The following FHIP2A variants were observed in gnomAD, a reference collection of about 807,000 sequenced individuals.
FHIP2A encodes the protein FHF complex subunit HOOK interacting protein 2A, also known as family with sequence similarity 160 member B1.
A neutral mutation model predicts 93.5 loss-of-function variants in FHIP2A; 46 were observed. The ratio of observed to expected loss-of-function variants is 0.49; its 90% CI spans 0.39 to 0.63. The LOEUF is 0.63. Among genes scored for constraint, FHIP2A ranks in the 20% least tolerant of loss-of-function variants. The probability of loss-of-function intolerance (pLI) is 0.00; values close to 1 mark genes in which losing one functional copy is unlikely to be tolerated. For missense variants in FHIP2A, 769 were observed against 909.7 expected (o/e 0.85, Z 1.99); for synonymous variants, 332 against 326.5 (o/e 1.02, Z -0.18).
intron 7 of FHIP2A, among the ~76,000 whole-genome samples, chr10:114,844,523 C>T (rs1416585831): frequency 6.6e-6 from 1 of 152,164 alleles, no homozygotes; most frequent in Non-Finnish European, 1.5e-5. Flanking sequence ...TTTAACGTGT[C>T]TTTCTTTTTT....
intron 6 of FHIP2A, 121 bp downstream of exon 6, chr10:114,843,347 C>T (rs546093587): frequency 3.2e-6 from 2 of 625,506 alleles, no homozygotes; most frequent in East Asian, 7.8e-5. Context: ...GCTGTGTTGT[C>T]CAGGCTGGAG....
chr10:114,882,067 C>T (rs566943418), intron 16 of FHIP2A, among the ~76,000 whole-genome samples: 9 of 152,328 alleles, frequency 5.9e-5, no homozygotes, highest in African/African-American at 1.2e-4. Context: ...CACAAGCTAG[C>T]GCTTGCTGAC....
chr10:114,870,239 G>T (rs1404468093), intron 16 of FHIP2A, among the ~76,000 whole-genome samples: 1 of 152,184 alleles, frequency 6.6e-6, no homozygotes, highest in Non-Finnish European at 1.5e-5. Flanking sequence ...GGTTAAGAAA[G>T]ATGTTGGATA....
Position 114,860,774 on chromosome 10 carries a change from C to A in FHIP2A, c.1973C>A (p.Thr658Asn). The A allele has an allele frequency of 6.2e-7, 1 of 1,606,522 alleles. No individual in the cohort carries two copies. Among genetic ancestry groups the A allele is most frequent in the Non-Finnish European group, 8.5e-7 (1 of 1,173,130 alleles). Residue 658 changes from threonine (T) to asparagine (N), a missense_variant, in exon 15 of 17, where the codon ACC (threonine) becomes AAC (asparagine). By Grantham distance (65) the Thr-to-Asn change is moderately conservative. Transcript: ENST00000369248. ...DQPYDVNLQV[T>N]SVLSRLSLFP... ...CCATATGATGTAAACTTACAAGTAA[C>A]CTCAGTGTTATCTAGACTTTCTCTC...
chr10:114,849,487 T>A (rs770023572), intron 13 of FHIP2A, among the ~76,000 whole-genome samples: 2 of 152,184 alleles, frequency 1.3e-5, no homozygotes, highest in Non-Finnish European at 1.5e-5. Flanking sequence ...TCAAACGACT[T>A]GCTCAAAGGT....
At chr10:114,828,755 T>G (rs1017508534) in intron 1 of FHIP2A, among the ~76,000 whole-genome samples, 7 of 152,140 alleles carry the variant, frequency 4.6e-5, no homozygotes, top group African/African-American at 1.7e-4. Context: ...CTCCTTGAAG[T>G]TAAAGTACTC....
chr10:114,875,326 T>C (rs891903342), intron 16 of FHIP2A, among the ~76,000 whole-genome samples: 2 of 151,924 alleles, frequency 1.3e-5, no homozygotes, highest in African/African-American at 4.8e-5. Context: ...CTTGGATCTG[T>C]GAGGGAGGAG....
intron 16 of FHIP2A, among the ~76,000 whole-genome samples, chr10:114,883,450 C>T (rs2083926905): frequency 6.6e-6 from 1 of 152,034 alleles, no homozygotes; most frequent in South Asian, 2.1e-4. Flanking sequence ...TAATTATGTA[C>T]TATTAAAGTA....
At chr10:114,898,813 A>T (rs979830244) in intron 16 of FHIP2A, among the ~76,000 whole-genome samples, 3 of 152,292 alleles carry the variant, frequency 2.0e-5, no homozygotes, top group African/African-American at 7.2e-5. Flanking sequence ...GCACTTAGAA[A>T]TTTTTTAAGA....
Position 114,861,462 on chromosome 10 carries a change from T to C in FHIP2A, c.2220T>C (p.Gly740=). The C allele has an allele frequency of 1.2e-6, 2 of 1,614,042 alleles. No homozygotes were observed. The highest frequency in any genetic ancestry group is 1.7e-6 in the Non-Finnish European group (2 of 1,179,992). ...PIIDHITLLE[G]VIVLEEFCKE... ...TTGACCACATCACACTGCTAGAGGG[T>C]GTGATTGTGTTAGAAGAGTTCTGTA... The change falls in exon 17 of 17, where the codon GGT becomes GGC. Residue 740 remains glycine (G), a synonymous_variant. Transcript: ENST00000369248.
At chr10:114,840,232 T>C (rs1291980623) in intron 5 of FHIP2A, among the ~76,000 whole-genome samples, 2 of 152,064 alleles carry the variant, frequency 1.3e-5, no homozygotes, top group Non-Finnish European at 2.9e-5. Context: ...CTATAAAAAA[T>C]AAATAAATAC....
At chr10:114,887,637 G>A (rs990260116) in intron 16 of FHIP2A, among the ~76,000 whole-genome samples, 4 of 152,184 alleles carry the variant, frequency 2.6e-5, no homozygotes, top group Non-Finnish European at 4.4e-5. Context: ...TGTTAGTTCC[G>A]TTCCTCTCTC....
chr10:114,868,629 T>A (rs1175363345), downstream of FHIP2A, among the ~76,000 whole-genome samples: 4 of 152,124 alleles, frequency 2.6e-5, no homozygotes, highest in Non-Finnish European at 5.9e-5. Context: ...ACCACAACCT[T>A]ACATGAAGGT....
intron 16 of FHIP2A, among the ~76,000 whole-genome samples, chr10:114,896,652 T>G (rs2084002859): frequency 1.3e-5 from 2 of 152,210 alleles, no homozygotes; most frequent in African/African-American, 4.8e-5. Context: ...CTTCCTGCCT[T>G]TGCTTCAAGT....
chr10:114,894,395 CAAAAAAAAA>C (rs3086069), intron 16 of FHIP2A, among the ~76,000 whole-genome samples: 3 of 109,260 alleles, frequency 2.7e-5, no homozygotes, highest in Non-Finnish European at 5.7e-5. Flanking sequence ...CCCATCTCTA[CAAAAAAAAA>C]AAAAAAAAAA....
rs1285574526 is a variant in FHIP2A, at chr10:114,863,066, C to G, written c.*1526C>G. 7.1e-6 allele frequency: 7 copies of G among 984,096 alleles called. No individual in the cohort carries two copies. The highest frequency in any genetic ancestry group is 8.4e-6 in the Non-Finnish European group (7 of 828,838). 61.0% of individuals were successfully genotyped at this position (984,096 alleles called of 1,614,324 possible). A position where few individuals can be genotyped will look rare whatever the true frequency, so the allele number is the denominator to read the frequency against. ...CAAAAGATTATGAATAGCCTCAGCT[C>G]TAGAATGCTTACCACTGTTAAAACA... is the stretch of plus-strand genomic sequence containing the variant. On this transcript the variant is annotated 3_prime_UTR_variant, in exon 17 of 17. Coordinates refer to ENST00000369248, the MANE Select transcript of FHIP2A (RefSeq NM_020940.4).
intron 15 of FHIP2A, 87 bp downstream of exon 15, chr10:114,860,976 A>G (rs1849960394): frequency 7.9e-7 from 1 of 1,269,716 alleles, no homozygotes; most frequent in Non-Finnish European, 1.1e-6. Context: ...TTAGTGTCAC[A>G]TAATGAAAAA....
chr10:114,835,268 A>G (rs1047996756), intron 3 of FHIP2A, among the ~76,000 whole-genome samples: 8 of 152,200 alleles, frequency 5.3e-5, no homozygotes, highest in Non-Finnish European at 7.4e-5. Context: ...TCTCAACAAC[A>G]TATTATTACC....
intron 16 of FHIP2A, among the ~76,000 whole-genome samples, chr10:114,891,707 C>T (rs1044269058): frequency 1.3e-5 from 2 of 151,738 alleles, no homozygotes; most frequent in East Asian, 3.9e-4. Flanking sequence ...ACCTCCGCCT[C>T]CCGGGTTCAA....
Sources: gnomAD v4.1 joint callset for allele counts (sites outside exome capture counted in the v4.1 genomes callset) on GRCh38, gnomAD v4.1.1 for gene constraint, MANE v1.5 for transcripts, NCBI Gene and HGNC (gene_info 2026-07-23, HGNC 2026-07-21) for gene names.